The following LOC400499 variants were observed in gnomAD, a reference collection of about 807,000 sequenced individuals.
the LOC400499 span, among the ~76,000 whole-genome samples, chr16:11,489,488 G>A: frequency 9.2e-6 from 1 of 108,864 alleles, no homozygotes; most frequent in East Asian, 2.4e-4. Flanking sequence ...AAGAGCCTCA[G>A]GGGACTGAAT....
the LOC400499 span, chr16:11,390,055 C>A: frequency 8.6e-7 from 1 of 1,165,386 alleles, no homozygotes; most frequent in African/African-American, 1.6e-5. Context: ...AGCACTGCAC[C>A]TGGTATGTGG....
chr16:11,378,896 A>C, the LOC400499 span, among the ~76,000 whole-genome samples: 42 of 152,306 alleles, frequency 2.8e-4, no homozygotes, highest in African/African-American at 9.1e-4. Context: ...GGTAGGTCCA[A>C]CTGGTCTATA....
chr16:11,418,402 G>C, the LOC400499 span, among the ~76,000 whole-genome samples: 132 of 152,284 alleles, frequency 8.7e-4, 1 homozygote, highest in African/African-American at 3.0e-3. Context: ...TTGCAGTAAA[G>C]AAGCTGGCTA....
At chr16:11,439,274 G>C in the LOC400499 span, among the ~76,000 whole-genome samples, 1 of 152,122 alleles carries the variant, frequency 6.6e-6, no homozygotes, top group Non-Finnish European at 1.5e-5. Flanking sequence ...CCTTCAGCCT[G>C]GACCATCACT....
At chr16:11,436,000 G>C in the LOC400499 span, 4 of 397,704 alleles carry the variant, frequency 1.0e-5, no homozygotes, top group Non-Finnish European at 1.8e-5. Context: ...ACCAATCATG[G>C]TAGACAGCAC....
the LOC400499 span, chr16:11,396,339 C>G: frequency 6.5e-6 from 4 of 619,162 alleles, no homozygotes; most frequent in Non-Finnish European, 9.3e-6. Context: ...CAGGCGTTCC[C>G]CCGACCCAGA....
At chr16:11,418,549 G>C in the LOC400499 span, among the ~76,000 whole-genome samples, 84 of 152,256 alleles carry the variant, frequency 5.5e-4, 1 homozygote, top group East Asian at 0.014. Flanking sequence ...AAGGGGAGGC[G>C]TGAATAATCC....
chr16:11,494,729 C>T, the LOC400499 span: 1 of 399,042 alleles, frequency 2.5e-6, no homozygotes, highest in Non-Finnish European at 4.4e-6. Flanking sequence ...CAGGAAGGCG[C>T]CAGGGCTGGC....
chr16:11,391,834 C>G, the LOC400499 span: 1 of 1,232,188 alleles, frequency 8.1e-7, no homozygotes, highest in Non-Finnish European at 1.0e-6. Flanking sequence ...AGGCCTGCCA[C>G]GCCGTCCAGG....
chr16:11,460,584 A>G, the LOC400499 span: 1 of 1,534,616 alleles, frequency 6.5e-7, no homozygotes, highest in South Asian at 1.2e-5. Context: ...CTGGTGCTGC[A>G]CTCGTGTGCC....
chr16:11,383,600 A>C, the LOC400499 span: 6 of 1,232,258 alleles, frequency 4.9e-6, no homozygotes, highest in Non-Finnish European at 6.1e-6. Context: ...TGGAAGGCAG[A>C]TGCCAGACGG....
chr16:11,498,262 C>G, the LOC400499 span, among the ~76,000 whole-genome samples: 4 of 152,194 alleles, frequency 2.6e-5, no homozygotes, highest in African/African-American at 9.7e-5. Context: ...AGGCAAATCA[C>G]ATGAGCTCAG....
the LOC400499 span, among the ~76,000 whole-genome samples, chr16:11,470,219 C>T: frequency 6.6e-6 from 1 of 152,174 alleles, no homozygotes; most frequent in African/African-American, 2.4e-5. Context: ...CTCTCCCATC[C>T]TTTTAACCAG....
the LOC400499 span, among the ~76,000 whole-genome samples, chr16:11,509,462 C>T: frequency 1.3e-5 from 2 of 151,952 alleles, no homozygotes; most frequent in Non-Finnish European, 2.9e-5. Flanking sequence ...AGGACACACC[C>T]TGCCTTGTAA....
the LOC400499 span, chr16:11,469,135 T>G: frequency 2.5e-6 from 1 of 399,276 alleles, no homozygotes; most frequent in Admixed American, 4.4e-5. Context: ...TGGGGAGGTG[T>G]CAGGTGCAGA....
the LOC400499 span, chr16:11,500,820 A>G: frequency 5.0e-6 from 2 of 398,962 alleles, no homozygotes; most frequent in South Asian, 1.3e-4. Flanking sequence ...CATGTGGACC[A>G]TAGCATCTGT....
the LOC400499 span, chr16:11,447,910 G>C: frequency 6.5e-7 from 1 of 1,527,964 alleles, no homozygotes; most frequent in Admixed American, 2.0e-5. Context: ...AGGGGTGTCA[G>C]CTGAGCAGAA....
At chr16:11,468,713 C>T in the LOC400499 span, among the ~76,000 whole-genome samples, 11 of 152,254 alleles carry the variant, frequency 7.2e-5, no homozygotes, top group Non-Finnish European at 1.2e-4. Flanking sequence ...CTGAAACCTC[C>T]GCCTCCTGGG....
the LOC400499 span, among the ~76,000 whole-genome samples, chr16:11,470,075 G>A: frequency 6.6e-6 from 1 of 151,608 alleles, no homozygotes; most frequent in East Asian, 1.9e-4. Context: ...GTTTTTTTTT[G>A]TTGTTGTTGT....
Sources: gnomAD v4.1 joint callset for allele counts (sites outside exome capture counted in the v4.1 genomes callset) on GRCh38, gnomAD v4.1.1 for gene constraint, MANE v1.5 for transcripts.